The following TUBGCP5 variants were observed in gnomAD, a reference collection of about 807,000 sequenced individuals.
TUBGCP5 encodes gamma-tubulin complex component 5.
Under a neutral mutation model 134.7 loss-of-function variants are expected in TUBGCP5, and 98 were observed. The ratio of observed to expected loss-of-function variants is 0.73; its 90% CI spans 0.62 to 0.86. The LOEUF is 0.86. TUBGCP5 is among the 40% of genes least tolerant of loss of function. The pLI is 0.00. For synonymous variants in TUBGCP5, 456 were observed against 431.4 expected (o/e 1.06, Z -0.71); for missense variants, 1,150 against 1,244.8 (o/e 0.92, Z 1.15).
intron 9 of TUBGCP5, 43 bp downstream of exon 9, chr15:23,024,693 CA>C: frequency 9.4e-7 from 1 of 1,065,026 alleles, no homozygotes; most frequent in Non-Finnish European, 1.4e-6. Context: ...TACTAGTTTA[CA>C]TAAATCCTAT....
At chr15:23,019,126 G>T in intron 12 of TUBGCP5, 93 bp downstream of exon 12, 2 of 868,866 alleles carry the variant, frequency 2.3e-6, no homozygotes, top group Admixed American at 2.2e-5. Flanking sequence ...TGCTTTCTCA[G>T]TACTGTCTGA....
intron 22 of TUBGCP5, among the ~76,000 whole-genome samples, 167 bp from the exon 23 acceptor site, chr15:23,000,033 G>A (rs1376452723): frequency 6.6e-6 from 1 of 152,028 alleles, no homozygotes; most frequent in Non-Finnish European, 1.5e-5. Flanking sequence ...GCCTCAGCCT[G>A]CTGTGTAGCT....
intron 13 of TUBGCP5, among the ~76,000 whole-genome samples, chr15:23,014,719 C>T (rs1392783309): frequency 6.6e-6 from 1 of 152,136 alleles, no homozygotes; most frequent in East Asian, 1.9e-4. Flanking sequence ...GTACCCACAT[C>T]CTGGGCCTAA....
intron 23 of TUBGCP5, among the ~76,000 whole-genome samples, chr15:22,986,731 CTG>C (rs1236757500): frequency 7.0e-6 from 1 of 143,338 alleles, no homozygotes; most frequent in African/African-American, 2.7e-5. Context: ...GAATGAGACT[CTG>C]TCTCAAAAAA....
chr15:23,026,741 TG>T (rs1030131095), intron 7 of TUBGCP5, among the ~76,000 whole-genome samples: 1 of 152,152 alleles, frequency 6.6e-6, no homozygotes, highest in Admixed American at 6.6e-5. Context: ...AAGACCAGCC[TG>T]GCCAACATGG....
chr15:23,027,722 G>C (rs923191819), intron 6 of TUBGCP5, among the ~76,000 whole-genome samples: 17 of 151,834 alleles, frequency 1.1e-4, no homozygotes, highest in Non-Finnish European at 7.4e-5. Flanking sequence ...GCTCCAGCCT[G>C]GGTGACACAG....
chr15:23,005,395 C>A (rs369008753), intron 19 of TUBGCP5, 37 bp downstream of exon 19: 11 of 1,604,700 alleles, frequency 6.9e-6, no homozygotes, highest in Non-Finnish European at 9.4e-6. Context: ...TGTATAGATA[C>A]GACGATAGAA....
At chr15:23,032,284 T>C (rs570271583) in intron 4 of TUBGCP5, among the ~76,000 whole-genome samples, 29 of 152,306 alleles carry the variant, frequency 1.9e-4, no homozygotes, top group Admixed American at 5.2e-4. Flanking sequence ...CCTCAATATC[T>C]GAGGGGAATT....
intron 13 of TUBGCP5, among the ~76,000 whole-genome samples, chr15:23,012,466 G>T (rs920631432): frequency 6.6e-6 from 1 of 152,082 alleles, no homozygotes; most frequent in African/African-American, 2.4e-5. Context: ...GAGTGCAGTG[G>T]CATGATCTCG....
chr15:23,024,172 C>A lies in TUBGCP5; in HGVS notation c.943G>T (p.Glu315Ter), dbSNP rs1205909877. ...LTHSCLRSVL[E>*]QIAAYGQVVF... is the part of the protein sequence containing the mutation. ...ACCTGGCCATATGCTGCTATTTGTT[C>A]CAGCACAGATCGTAAACAGCTCTAC... is the stretch of plus-strand genomic sequence containing the variant. Residue 315 changes from glutamate to a stop codon, truncating the protein, a stop_gained, in exon 10 of 23, where the codon GAA (glutamate) becomes TAA (stop). Transcript: ENST00000615383. LOFTEE classifies it high-confidence loss of function. 9.9e-6 allele frequency: 16 copies of A among 1,614,028 alleles called. No homozygotes were observed. The highest frequency in any genetic ancestry group is 1.4e-5 in the Non-Finnish European group (16 of 1,179,956).
chr15:23,036,800 TA>T, intron 3 of TUBGCP5, 96 bp downstream of exon 3: 1 of 893,770 alleles, frequency 1.1e-6, no homozygotes, highest in Non-Finnish European at 1.8e-6. Context: ...TAGATAATAC[TA>T]AAATAGAATG....
At chr15:23,027,576 A>AC (rs145448755) in intron 6 of TUBGCP5, among the ~76,000 whole-genome samples, 5,690 of 151,630 alleles carry the variant, frequency 0.038, 259 homozygotes, top group African/African-American at 0.11. Flanking sequence ...ACAAAGTATG[A>AC]CCCCCCATCT....
chr15:23,037,333 G>C (rs529853998), intron 1 of TUBGCP5, among the ~76,000 whole-genome samples, 181 bp from the exon 2 acceptor site: 2 of 152,212 alleles, frequency 1.3e-5, no homozygotes, highest in African/African-American at 4.8e-5. Flanking sequence ...GTCCGAGACT[G>C]TGCAAGCATC....
intron 5 of TUBGCP5, 75 bp downstream of exon 5, chr15:23,031,874 TG>T: frequency 8.8e-7 from 1 of 1,138,582 alleles, no homozygotes; most frequent in Non-Finnish European, 1.3e-6. Flanking sequence ...TGACCTAGGG[TG>T]GAAAGACCCA....
intron 12 of TUBGCP5, among the ~76,000 whole-genome samples, chr15:23,018,438 A>G (rs899645111): frequency 6.6e-6 from 1 of 152,162 alleles, no homozygotes. Context: ...TCATCACCCT[A>G]GAAGAACAGT....
intron 13 of TUBGCP5, among the ~76,000 whole-genome samples, chr15:23,014,432 C>G (rs557280636): frequency 3.9e-5 from 6 of 152,238 alleles, no homozygotes; most frequent in Non-Finnish European, 7.3e-5. Flanking sequence ...TGCCAAACAG[C>G]CCTGTGGTCT....
At chr15:23,012,159 T>A (rs920642584) in intron 13 of TUBGCP5, among the ~76,000 whole-genome samples, 3 of 150,788 alleles carry the variant, frequency 2.0e-5, no homozygotes, top group Admixed American at 6.6e-5. Flanking sequence ...TCAGCACACT[T>A]GAAATTTATT....
intron 6 of TUBGCP5, among the ~76,000 whole-genome samples, chr15:23,028,792 C>G (rs1279110387): frequency 3.3e-5 from 5 of 152,174 alleles, no homozygotes; most frequent in Non-Finnish European, 7.4e-5. Context: ...GAGGGTTGGG[C>G]TGCTGGGCCA....
intron 23 of TUBGCP5, among the ~76,000 whole-genome samples, chr15:22,986,469 G>C (rs2063683798): frequency 1.3e-5 from 2 of 152,112 alleles, no homozygotes; most frequent in Admixed American, 6.5e-5. Context: ...GGGCGTGGTG[G>C]TTCACCCCTG....
Sources: allele counts gnomAD v4.1 joint callset (sites outside exome capture counted in the v4.1 genomes callset), GRCh38; gene constraint gnomAD v4.1.1; transcripts MANE v1.5; gene names NCBI Gene and HGNC (gene_info 2026-07-23, HGNC 2026-07-21).